SV2B: variants seen among roughly 807,000 people sequenced by gnomAD.
SV2B encodes solute carrier family 22 member B2.
SV2B carries 41 observed loss-of-function variants against 73.9 expected under a neutral mutation model. The observed-to-expected ratio is 0.56, with a 90% CI of 0.43 to 0.72. The LOEUF (loss-of-function observed/expected upper bound fraction) is 0.72, where lower values mean the gene tolerates loss of function less well. SV2B is among the 30% of genes least tolerant of loss of function. The probability of loss-of-function intolerance (pLI) is 0.00; values close to 1 mark genes in which losing one functional copy is unlikely to be tolerated. For missense variants in SV2B, 764 were observed against 857.8 expected (o/e 0.89, Z 1.37); for synonymous variants, 314 against 314.2 (o/e 1.00, Z 0.01).
In SV2B at chr15:91,281,654, C is replaced by T; in HGVS notation, c.1374-74C>T. On this transcript the variant is annotated intron_variant, in intron 9 of 12. Transcript: ENST00000394232. The surrounding 1 kb of genome is among the most constrained non-coding windows in gnomAD (Gnocchi z 4.7). ...TTGCACATCTCCTTTTTCTGCCTTG[C>T]TGTGTTTTCCATTTTGGTCTTAAGT... 1 of 1,495,528 alleles carries T rather than the reference C, an allele frequency of 6.7e-7. No homozygotes were observed. The highest frequency in any genetic ancestry group is 9.0e-7 in the Non-Finnish European group (1 of 1,111,674). The allele number at this position is 1,495,528 out of a possible 1,614,324, so 92.6% of individuals were successfully genotyped here. A position where few individuals can be genotyped will look rare whatever the true frequency, so the allele number is the denominator to read the frequency against.
intron 1 of SV2B, among the ~76,000 whole-genome samples, chr15:91,172,483 A>G (rs1596518305): frequency 6.6e-6 from 1 of 152,182 alleles, no homozygotes; most frequent in South Asian, 2.1e-4. Context: ...TGGTCCCACC[A>G]TGTCTTCTTC....
At position 91,236,461 on chromosome 15, in the gene SV2B, C is replaced by T. The variant is rs2046785495; in HGVS notation, c.451+9747C>T. 6.6e-6 allele frequency among the ~76,000 whole-genome samples: 1 copy of T among 152,112 alleles called. No individual in the cohort carries two copies. Among genetic ancestry groups the T allele is most frequent in the Non-Finnish European group, 1.5e-5 (1 of 68,014 alleles). On this transcript the variant is annotated intron_variant, in intron 2 of 12. Coordinates refer to ENST00000394232, the MANE Select transcript of SV2B (RefSeq NM_001323032.3). The surrounding 1 kb of genome is among the most constrained non-coding windows in gnomAD (Gnocchi z 4.1). ...ACAACAGAAATGAATGGGAGGAATTCTTAAGTAAACTGGCATATTTACTGA... is the reference window on the plus strand; with the variant it reads ...ACAACAGAAATGAATGGGAGGAATTTTTAAGTAAACTGGCATATTTACTGA...
Position 91,214,563 on chromosome 15 carries a change from CACAGA to C in SV2B, c.-391-11307_-391-11303del, listed in dbSNP as rs2045963908. ...TAAGGTTCAGAAACCTGCTCTGATT[CACAGA>C]ACTTGCGAATGGCAGAGCTGGTATC... On this transcript the variant is annotated intron_variant, in intron 1 of 12. Coordinates refer to ENST00000394232, the MANE Select transcript of SV2B (RefSeq NM_001323032.3). The surrounding 1 kb of genome is among the most constrained non-coding windows in gnomAD (Gnocchi z 4.7). 6.6e-6 allele frequency among the ~76,000 whole-genome samples: 1 copy of C among 152,196 alleles called. No individual in the cohort carries two copies. Among genetic ancestry groups the C allele is most frequent in the African/African-American group, 2.4e-5 (1 of 41,446 alleles).
chr15:91,184,556 C>A (rs2044702622), intron 1 of SV2B, among the ~76,000 whole-genome samples: 1 of 152,168 alleles, frequency 6.6e-6, no homozygotes, highest in South Asian at 2.1e-4. Flanking sequence ...GCCTCTGCTG[C>A]CTTTCGACTC....
chr15:91,289,531 G>A lies in SV2B; in HGVS notation c.1719G>A (p.Met573Ile), dbSNP rs748497451. 10 of 1,614,228 alleles carry A rather than the reference G, an allele frequency of 6.2e-6. No individual in the cohort carries two copies. The South Asian group carries it at 9.9e-5, about 16-fold the overall frequency. The change falls in exon 12 of 13, where the codon ATG (methionine) becomes ATA (isoleucine). Residue 573 changes from methionine to isoleucine, a missense_variant. Coordinates refer to ENST00000394232, the MANE Select transcript of SV2B (RefSeq NM_001323032.3). The surrounding 1 kb of genome is among the most constrained non-coding windows in gnomAD (Gnocchi z 4.9). Reference sequence around the variant, plus strand: ...GAACTCCCTCTGCAGGTGGCTCCATGCTAATCTCTGCAGTCTGCTGCTTCT... The same window carrying A: ...GAACTCCCTCTGCAGGTGGCTCCATACTAATCTCTGCAGTCTGCTGCTTCT... Reference protein sequence around the residue: ...IGRLKMIGGSMLISAVCCFFL... With the variant: ...IGRLKMIGGSILISAVCCFFL...
intron 2 of SV2B, 67 bp downstream of exon 2, chr15:91,226,781 G>T: frequency 6.5e-7 from 1 of 1,529,442 alleles, no homozygotes; most frequent in Non-Finnish European, 8.7e-7. Flanking sequence ...TCTAGTATCT[G>T]TCACTATTAG....
intron 1 of SV2B, among the ~76,000 whole-genome samples, chr15:91,108,257 C>A (rs1266555126): frequency 1.3e-5 from 2 of 152,226 alleles, no homozygotes; most frequent in Non-Finnish European, 2.9e-5. Flanking sequence ...AAATGTCTAG[C>A]CTTATGGGCT....
In SV2B at chr15:91,229,877, C is replaced by T. The variant is rs117515292; in HGVS notation, c.451+3163C>T. Among the ~76,000 whole-genome samples the T allele has an allele frequency of 0.028, 4,270 of 152,258 alleles. 84 individuals are homozygous for T. The highest frequency in any genetic ancestry group is 0.037 in the Non-Finnish European group (2,521 of 68,014). On this transcript the variant is annotated intron_variant, in intron 2 of 12. Coordinates refer to ENST00000394232, the MANE Select transcript of SV2B (RefSeq NM_001323032.3). The surrounding 1 kb of genome is among the most constrained non-coding windows in gnomAD (Gnocchi z 4.3). Reference sequence around the variant, plus strand: ...GGTCAAGCTATCCTGCCTCAGCTGGCGAAAAGGCTGTTTATGTTTGAGTGC... The same window carrying T: ...GGTCAAGCTATCCTGCCTCAGCTGGTGAAAAGGCTGTTTATGTTTGAGTGC...
In SV2B at chr15:91,301,005, C is replaced by T. The variant is rs747457983; in HGVS notation, c.*8453C>T. Reference sequence around the variant, plus strand: ...TTGGAAGCCTGCCATCTTTCTGTAACGCACCTTCAACCTGAGATAATTAAG... The same window carrying T: ...TTGGAAGCCTGCCATCTTTCTGTAATGCACCTTCAACCTGAGATAATTAAG... On this transcript the variant is annotated 3_prime_UTR_variant, in exon 13 of 13. Coordinates refer to ENST00000394232, the MANE Select transcript of SV2B (RefSeq NM_001323032.3). This position sits in a 1 kb window ranked among gnomAD's most constrained non-coding sequence, Gnocchi z 4.3. 3.9e-5 allele frequency: 6 copies of T among 152,226 alleles called. No homozygotes were observed. The highest frequency in any genetic ancestry group is 7.3e-5 in the Non-Finnish European group (5 of 68,062). 9.4% of individuals were successfully genotyped at this position (152,226 alleles called of 1,614,324 possible).
At position 91,245,285 on chromosome 15, in the gene SV2B, A is replaced by G. The variant is rs2047179091; in HGVS notation, c.452-6534A>G. 6.6e-6 allele frequency among the ~76,000 whole-genome samples: 1 copy of G among 152,234 alleles called. No homozygotes were observed. On this transcript the variant is annotated intron_variant, in intron 2 of 12. Transcript: ENST00000394232. The surrounding 1 kb of genome is among the most constrained non-coding windows in gnomAD (Gnocchi z 4.2). Reference sequence around the variant, plus strand: ...ATTCGATTTCTTGGAATCTATTCTGAGCAAATAACTAGAAACACCAACAAA... The same window carrying G: ...ATTCGATTTCTTGGAATCTATTCTGGGCAAATAACTAGAAACACCAACAAA...
chr15:91,262,235 G>A (rs879291913), intron 6 of SV2B, among the ~76,000 whole-genome samples: 1 of 152,028 alleles, frequency 6.6e-6, no homozygotes, highest in Non-Finnish European at 1.5e-5. Context: ...GCTATTGTAA[G>A]GATTAAGTAA....
rs1430298758 is a variant in SV2B, at chr15:91,301,319, T to G, written c.*8767T>G. On this transcript the variant is annotated 3_prime_UTR_variant, in exon 13 of 13. Transcript: ENST00000394232. This position sits in a 1 kb window ranked among gnomAD's most constrained non-coding sequence, Gnocchi z 4.3. The stretch of plus-strand genomic sequence containing the variant: ...GAACTGACAAAACCCACTTTTGGTC[T>G]CTCTTCATATTTTTCGTGGTTTCAT... 1 of 152,250 alleles carries G rather than the reference T, an allele frequency of 6.6e-6. No individual in the cohort carries two copies. Among genetic ancestry groups the G allele is most frequent in the East Asian group, 1.9e-4 (1 of 5,198 alleles). 9.4% of individuals were successfully genotyped at this position (152,250 alleles called of 1,614,324 possible).
chr15:91,117,920 G>T (rs2042225549), intron 1 of SV2B, among the ~76,000 whole-genome samples: 1 of 152,186 alleles, frequency 6.6e-6, no homozygotes, highest in East Asian at 1.9e-4. Context: ...TGGGCATTCA[G>T]ATTGCAAAGC....
rs1413449612 is a variant in SV2B, at chr15:91,297,431, A to T, written c.*4879A>T. On this transcript the variant is annotated 3_prime_UTR_variant, in exon 13 of 13. Transcript: ENST00000394232. The surrounding 1 kb of genome is among the most constrained non-coding windows in gnomAD (Gnocchi z 5.1). ...AAGGATAGGTGGATTAGTGCTTCTTAAACTTTTGCGTGCATCAGAATCACC... is the reference window on the plus strand; with the variant it reads ...AAGGATAGGTGGATTAGTGCTTCTTTAACTTTTGCGTGCATCAGAATCACC... 1 of 152,224 alleles carries T rather than the reference A, an allele frequency of 6.6e-6. No homozygotes were observed. The highest frequency in any genetic ancestry group is 1.9e-4 in the East Asian group (1 of 5,196). The allele number at this position is 152,224 out of a possible 1,614,324, so 9.4% of individuals were successfully genotyped here.
At chr15:91,277,191 G>C (rs1199260358) in intron 9 of SV2B, among the ~76,000 whole-genome samples, 3 of 151,926 alleles carry the variant, frequency 2.0e-5, no homozygotes, top group Non-Finnish European at 4.4e-5. Context: ...TTGTATGACA[G>C]TAGGGACTAA....
At position 91,267,721 on chromosome 15, in the gene SV2B, T is replaced by A; in HGVS notation, c.1208+78T>A. On this transcript the variant is annotated intron_variant, in intron 8 of 12. Transcript: ENST00000394232. The surrounding 1 kb of genome is among the most constrained non-coding windows in gnomAD (Gnocchi z 4.3). ...TTTACACATTGAGGATTACAGTGAG[T>A]TCTGACTTAGAATTTGTATCAGGTA... 1.7e-6 allele frequency: 2 copies of A among 1,188,880 alleles called. No homozygotes were observed. The highest frequency in any genetic ancestry group is 2.5e-6 in the Non-Finnish European group (2 of 814,362). 73.6% of individuals were successfully genotyped at this position (1,188,880 alleles called of 1,614,324 possible). A position where few individuals can be genotyped will look rare whatever the true frequency, so the allele number is the denominator to read the frequency against.
intron 1 of SV2B, among the ~76,000 whole-genome samples, chr15:91,152,362 G>A (rs1259070354): frequency 6.6e-6 from 1 of 152,104 alleles, no homozygotes; most frequent in East Asian, 1.9e-4. Context: ...TGCTGATATC[G>A]CAGCTGGGAT....
chr15:91,160,894 G>A (rs2028022), intron 1 of SV2B, among the ~76,000 whole-genome samples: 59,138 of 151,532 alleles, frequency 0.39, 11,966 homozygotes, highest in East Asian at 0.7. Flanking sequence ...AGTAGCCAAA[G>A]CTGGAAATAA....
chr15:91,099,599 T>C (rs913952289), upstream of SV2B, among the ~76,000 whole-genome samples: 1 of 152,006 alleles, frequency 6.6e-6, no homozygotes, highest in African/African-American at 2.4e-5. Flanking sequence ...GTGGAGTTAG[T>C]GGGTGGTGGT....
Sources: gnomAD v4.1 joint callset for allele counts (sites outside exome capture counted in the v4.1 genomes callset) on GRCh38, gnomAD v4.1.1 for gene constraint, Gnocchi (gnomAD v3.1) non-coding constraint, MANE v1.5 for transcripts, NCBI Gene and HGNC (gene_info 2026-07-23, HGNC 2026-07-21) for gene names.